Variants in CCDC73 observed in about 807,000 individuals in gnomAD.
CCDC73 encodes the protein coiled-coil domain containing 73.
In CCDC73, 95 loss-of-function variants were observed where a neutral mutation model predicts 116.5. The observed-to-expected ratio is 0.82, with a 90% CI of 0.69 to 0.97. CCDC73 has a LOEUF of 0.97. CCDC73 is among the 50% of genes least tolerant of loss of function. The probability of loss-of-function intolerance (pLI) is 0.00; values close to 1 mark genes in which losing one functional copy is unlikely to be tolerated. For synonymous variants in CCDC73, 398 were observed against 401.3 expected (o/e 0.99, Z 0.10); for missense variants, 1,066 against 1,206.8 (o/e 0.88, Z 1.73).
intron 13 of CCDC73, among the ~76,000 whole-genome samples, chr11:32,637,017 C>T (rs73478870): frequency 0.032 from 2,850 of 87,924 alleles, 76 homozygotes; most frequent in Non-Finnish European, 0.047. Context: ...TTTTCTTTTT[C>T]TTTTTTTTTT....
chr11:32,694,166 C>G (rs930056930), intron 6 of CCDC73, among the ~76,000 whole-genome samples: 8 of 152,154 alleles, frequency 5.3e-5, no homozygotes, highest in Non-Finnish European at 1.2e-4. Context: ...TTAGAAAACC[C>G]CATCGTCTCA....
intron 14 of CCDC73, among the ~76,000 whole-genome samples, chr11:32,623,606 G>C (rs953581730): frequency 6.6e-6 from 1 of 152,064 alleles, no homozygotes; most frequent in Non-Finnish European, 1.5e-5. Context: ...CACCTGCCTT[G>C]GCCCCCAAAA....
intron 2 of CCDC73, among the ~76,000 whole-genome samples, chr11:32,719,240 G>A (rs1010329211): frequency 4.6e-5 from 7 of 152,160 alleles, no homozygotes; most frequent in African/African-American, 1.7e-4. Flanking sequence ...GAAATCTGAA[G>A]CTTCTGCTGA....
At chr11:32,648,922 G>A (rs1273637808) in intron 12 of CCDC73, among the ~76,000 whole-genome samples, 2 of 152,132 alleles carry the variant, frequency 1.3e-5, no homozygotes, top group Non-Finnish European at 2.9e-5. Flanking sequence ...TATTCTATTA[G>A]GAAATTATTT....
chr11:32,713,461 T>C (rs1364800365), intron 3 of CCDC73, among the ~76,000 whole-genome samples: 1 of 152,058 alleles, frequency 6.6e-6, no homozygotes, highest in Non-Finnish European at 1.5e-5. Context: ...TAGGGGATGG[T>C]TATCATAAAG....
chr11:32,801,782 A>G, the CCDC73 span, among the ~76,000 whole-genome samples: 2 of 152,346 alleles, frequency 1.3e-5, no homozygotes, highest in African/African-American at 2.4e-5. Flanking sequence ...TAATGTATCT[A>G]TGAGACATCC....
At chr11:32,634,251 T>C (rs1001627415) in intron 14 of CCDC73, among the ~76,000 whole-genome samples, 7 of 152,112 alleles carry the variant, frequency 4.6e-5, no homozygotes, top group African/African-American at 1.7e-4. Flanking sequence ...TCCTCATCAA[T>C]ACAAAATCCT....
chr11:32,691,523 G>A (rs1297885186), intron 6 of CCDC73, among the ~76,000 whole-genome samples: 1 of 152,056 alleles, frequency 6.6e-6, no homozygotes, highest in Non-Finnish European at 1.5e-5. Context: ...TGAGATGTCT[G>A]TTAAGATCTT....
chr11:32,762,219 C>T (rs781381444), intron 1 of CCDC73, among the ~76,000 whole-genome samples: 2 of 152,116 alleles, frequency 1.3e-5, no homozygotes, highest in Non-Finnish European at 2.9e-5. Context: ...GACCAATCCT[C>T]CTACTAAAAA....
At chr11:32,675,504 C>A (rs534175864) in intron 9 of CCDC73, 61 bp downstream of exon 9, 13 of 1,045,120 alleles carry the variant, frequency 1.2e-5, no homozygotes, top group East Asian at 5.4e-5. Flanking sequence ...CTAGTAATAG[C>A]GCATAAGACT....
intron 12 of CCDC73, among the ~76,000 whole-genome samples, chr11:32,651,636 C>T (rs1232803062): frequency 2.6e-5 from 4 of 152,206 alleles, no homozygotes; most frequent in Non-Finnish European, 4.4e-5. Context: ...TACCATTAGA[C>T]TTCATTTACA....
intron 2 of CCDC73, among the ~76,000 whole-genome samples, chr11:32,735,949 C>A (rs1333737518): frequency 1.3e-5 from 2 of 152,256 alleles, no homozygotes; most frequent in South Asian, 2.1e-4. Context: ...GGAAAACTGG[C>A]TAGCCATATG....
rs12293774 is a variant in CCDC73 at position 32,756,421 on chromosome 11, C to A, written c.135+3688G>T. Among the ~76,000 whole-genome samples, 3 of 7,168 alleles carry A rather than the reference C, an allele frequency of 4.2e-4. 1 individual carries two copies. The highest frequency in any genetic ancestry group is 6.8e-4 in the Non-Finnish European group (3 of 4,408). The allele number at this position is 7,168 out of a possible 152,430, so 4.7% of individuals were successfully genotyped here. A position where few individuals can be genotyped will look rare whatever the true frequency, so the allele number is the denominator to read the frequency against. ...TATATATATATCTCCATATATATAT[C>A]TATATATATATCTCCATATATATCT... On this transcript the variant is annotated intron_variant, in intron 2 of 17. Transcript: ENST00000335185.
intron 3 of CCDC73, among the ~76,000 whole-genome samples, chr11:32,711,146 T>C (rs1849897063): frequency 6.6e-6 from 1 of 152,126 alleles, no homozygotes; most frequent in African/African-American, 2.4e-5. Context: ...AAATAATAGA[T>C]GTTGGTGTGG....
intron 1 of CCDC73, among the ~76,000 whole-genome samples, chr11:32,775,521 T>C (rs1850526358): frequency 1.3e-5 from 2 of 152,162 alleles, no homozygotes; most frequent in Admixed American, 1.3e-4. Context: ...TCCTTTAAAA[T>C]ACTAGCTTTG....
At chr11:32,776,986 CATGTATAT>C (rs61478302) in intron 1 of CCDC73, among the ~76,000 whole-genome samples, 12,805 of 95,652 alleles carry the variant, frequency 0.13, 860 homozygotes, top group South Asian at 0.21. Context: ...TATATATACA[CATGTATAT>C]ATATATATAT....
intron 4 of CCDC73, among the ~76,000 whole-genome samples, chr11:32,701,132 G>C (rs1184404062): frequency 1.3e-5 from 2 of 152,068 alleles, no homozygotes; most frequent in African/African-American, 4.8e-5. Flanking sequence ...GCTGAGACTA[G>C]AGCACACACC....
chr11:32,709,303 T>G (rs554590450), intron 3 of CCDC73, among the ~76,000 whole-genome samples: 2 of 152,164 alleles, frequency 1.3e-5, no homozygotes, highest in South Asian at 4.2e-4. Context: ...GATTTGTTTT[T>G]TTTGTTTGTT....
chr11:32,773,619 A>AAC (rs150048304), intron 1 of CCDC73, among the ~76,000 whole-genome samples: 1,819 of 150,568 alleles, frequency 0.012, 36 homozygotes, highest in African/African-American at 0.042. Flanking sequence ...CATCTTCACA[A>AAC]ACACACACAC....
Sources: gnomAD v4.1 joint callset for allele counts (sites outside exome capture counted in the v4.1 genomes callset) on GRCh38, gnomAD v4.1.1 for gene constraint, MANE v1.5 for transcripts, NCBI Gene and HGNC (gene_info 2026-07-23, HGNC 2026-07-21) for gene names.